ANTXR2: variants seen among roughly 807,000 people sequenced by gnomAD.
ANTXR2 encodes ANTXR cell adhesion molecule 2.
A neutral mutation model predicts 73.7 loss-of-function variants in ANTXR2; 44 were observed. That is an observed-to-expected ratio of 0.60 (90% CI 0.47 to 0.77). The LOEUF (loss-of-function observed/expected upper bound fraction) is 0.77. Among genes scored for constraint, ANTXR2 ranks in the 30% least tolerant of loss-of-function variants. The probability of loss-of-function intolerance (pLI) is 0.00; values close to 1 mark genes in which losing one functional copy is unlikely to be tolerated. For synonymous variants in ANTXR2, 217 were observed against 205.9 expected, an observed-to-expected ratio of 1.05 and a Z score of -0.46; for missense variants, 604 against 592.5, an observed-to-expected ratio of 1.02 and a Z score of -0.20.
intron 11 of ANTXR2, among the ~76,000 whole-genome samples, chr4:80,011,270 G>GCTAT (rs34305853): frequency 0.039 from 5,857 of 149,196 alleles, 126 homozygotes; most frequent in Middle Eastern, 0.086. Flanking sequence ...ACCTGGTCTT[G>GCTAT]CTATCTATCT....
At chr4:79,965,132 G>T (rs1729315560) in intron 16 of ANTXR2, 1 of 152,220 alleles carries the variant, frequency 6.6e-6, no homozygotes, top group Non-Finnish European at 1.5e-5. Flanking sequence ...GAAATTCACC[G>T]TGACGGGACT....
intron 10 of ANTXR2, among the ~76,000 whole-genome samples, chr4:80,030,378 A>C (rs1053569910): frequency 6.6e-6 from 1 of 152,076 alleles, no homozygotes; most frequent in East Asian, 1.9e-4. Context: ...AAGTCAATAG[A>C]TGTATCATGG....
chr4:80,026,416 C>T (rs1035644180), intron 10 of ANTXR2, among the ~76,000 whole-genome samples: 1 of 152,144 alleles, frequency 6.6e-6, no homozygotes, highest in Non-Finnish European at 1.5e-5. Context: ...ATTACCCAGT[C>T]TCGGCAGTTC....
chr4:80,011,708 T>C (rs961497428), intron 11 of ANTXR2, among the ~76,000 whole-genome samples: 1 of 152,188 alleles, frequency 6.6e-6, no homozygotes, highest in Non-Finnish European at 1.5e-5. Flanking sequence ...TTCTGTAGTG[T>C]TCCACATTTC....
chr4:79,907,863 C>T (rs777357023), intron 16 of ANTXR2, among the ~76,000 whole-genome samples: 8 of 152,100 alleles, frequency 5.3e-5, no homozygotes, highest in Non-Finnish European at 8.8e-5. Flanking sequence ...ATGAGGATCA[C>T]ATTTAGTAAG....
In ANTXR2 at chr4:80,031,677, C is replaced by T. The variant is rs1209018207; in HGVS notation, c.812G>A (p.Ser271Asn). The part of the protein sequence containing the change: ...ETYTTSVKPV[S>N]VQLNSMLCPA... ...ACAAAGCATAGAATTAAGCTGTACA[C>T]TTACTGGTTTTACACCTAGAAAATA... The change falls in exon 10 of 17, where the codon AGT (serine) becomes AAT (asparagine). Residue 271 changes from serine (S) to asparagine (N), a missense_variant. By Grantham distance (46) the Ser-to-Asn change is conservative. Coordinates refer to ENST00000403729, the MANE Select transcript of ANTXR2 (RefSeq NM_058172.6). 1 of 1,511,284 alleles carries T rather than the reference C, an allele frequency of 6.6e-7. No individual in the cohort carries two copies. The highest frequency in any genetic ancestry group is 8.8e-7 in the Non-Finnish European group (1 of 1,135,824). 93.6% of individuals were successfully genotyped at this position (1,511,284 alleles called of 1,614,324 possible).
At chr4:79,952,933 A>G (rs1176336374) in intron 16 of ANTXR2, among the ~76,000 whole-genome samples, 1 of 152,092 alleles carries the variant, frequency 6.6e-6, no homozygotes, top group Non-Finnish European at 1.5e-5. Context: ...TCTCAGCAAA[A>G]TATTATATAA....
chr4:80,038,849 A>AT (rs201329317), intron 7 of ANTXR2, among the ~76,000 whole-genome samples: 2 of 151,918 alleles, frequency 1.3e-5, no homozygotes, highest in Admixed American at 6.6e-5. Context: ...TGTTTTATTT[A>AT]TAAAAAAAAA....
At chr4:79,962,527 G>C (rs1464940371) in intron 16 of ANTXR2, among the ~76,000 whole-genome samples, 1 of 152,082 alleles carries the variant, frequency 6.6e-6, no homozygotes, top group Non-Finnish European at 1.5e-5. Flanking sequence ...TTCCAGCTTT[G>C]TTGCATCAGA....
intron 4 of ANTXR2, 49 bp from the exon 5 acceptor site, chr4:80,055,516 A>T (rs1313409018): frequency 6.9e-7 from 1 of 1,458,100 alleles, no homozygotes; most frequent in Non-Finnish European, 9.5e-7. Context: ...TTTAACTTTT[A>T]ACCAGCATGT....
intron 12 of ANTXR2, among the ~76,000 whole-genome samples, chr4:80,004,175 A>G (rs920258952): frequency 1.3e-5 from 2 of 152,038 alleles, no homozygotes; most frequent in African/African-American, 4.8e-5. Context: ...TACATGCTGT[A>G]TGATTCCATT....
At chr4:80,030,326 C>T (rs1465853922) in intron 10 of ANTXR2, among the ~76,000 whole-genome samples, 1 of 151,964 alleles carries the variant, frequency 6.6e-6, no homozygotes, top group Non-Finnish European at 1.5e-5. Context: ...TTCAGGAGGA[C>T]CAACCTGGAA....
At chr4:80,036,210 T>G (rs1407090339) in intron 7 of ANTXR2, among the ~76,000 whole-genome samples, 178 bp from the exon 8 acceptor site, 1 of 152,112 alleles carries the variant, frequency 6.6e-6, no homozygotes, top group Admixed American at 6.6e-5. Context: ...TGCACTGTAT[T>G]TCAGGGTATA....
At chr4:80,059,539 A>G (rs1242040105) in intron 3 of ANTXR2, among the ~76,000 whole-genome samples, 1 of 151,980 alleles carries the variant, frequency 6.6e-6, no homozygotes, top group Non-Finnish European at 1.5e-5. Flanking sequence ...TAAATTTTCT[A>G]TAGAGATGTG....
intron 7 of ANTXR2, among the ~76,000 whole-genome samples, chr4:80,040,044 T>G (rs187937522): frequency 2.6e-5 from 4 of 152,132 alleles, no homozygotes; most frequent in African/African-American, 7.2e-5. Context: ...ACGTTCTCAC[T>G]TATAAGTGGG....
chr4:80,019,283 C>A (rs1732040864), intron 10 of ANTXR2, among the ~76,000 whole-genome samples: 1 of 152,162 alleles, frequency 6.6e-6, no homozygotes, highest in Non-Finnish European at 1.5e-5. Flanking sequence ...AGGAGAATTG[C>A]TGGAACCTGG....
chr4:80,051,476 G>A (rs1263725192), intron 7 of ANTXR2, among the ~76,000 whole-genome samples: 1 of 151,648 alleles, frequency 6.6e-6, no homozygotes, highest in Non-Finnish European at 1.5e-5. Context: ...AGAAAAAGAA[G>A]AAATGTTTCC....
chr4:80,010,895 C>T lies in ANTXR2; in HGVS notation c.946-2279G>A, dbSNP rs980931816. ...GGGCACAGTGGCTCACACCTGTAATCGCAGCACTTTGGGAGGTTGAGGTGG... is the reference window on the plus strand; with the variant it reads ...GGGCACAGTGGCTCACACCTGTAATTGCAGCACTTTGGGAGGTTGAGGTGG... On this transcript the variant is annotated intron_variant, in intron 11 of 16. Coordinates refer to ENST00000403729, the MANE Select transcript of ANTXR2 (RefSeq NM_058172.6). Among the ~76,000 whole-genome samples the T allele has an allele frequency of 2.0e-5, 3 of 152,008 alleles. No homozygotes were observed. The South Asian group carries it at 6.2e-4, about 32-fold the overall frequency.
chr4:79,924,492 A>AAAAT (rs895419578), intron 16 of ANTXR2, among the ~76,000 whole-genome samples: 15 of 152,228 alleles, frequency 9.9e-5, no homozygotes, highest in African/African-American at 2.6e-4. Context: ...CCCTGTGTCT[A>AAAAT]AAATAAATAA....
Sources: gnomAD v4.1 joint callset for allele counts (sites outside exome capture counted in the v4.1 genomes callset) on GRCh38, gnomAD v4.1.1 for gene constraint, MANE v1.5 for transcripts, NCBI Gene and HGNC (gene_info 2026-07-23, HGNC 2026-07-21) for gene names.